The following TMEM91 variants were observed in gnomAD, a reference collection of about 807,000 sequenced individuals.
The protein encoded by TMEM91 is dispanin subfamily C member 3.
Under a neutral mutation model 13.3 loss-of-function variants are expected in TMEM91, and 6 were observed. That is an observed-to-expected ratio of 0.45 (90% CI 0.25 to 0.89). TMEM91 has a LOEUF of 0.89. TMEM91 is among the 40% of genes least tolerant of loss of function. The pLI is 0.19. For synonymous variants in TMEM91, 87 were observed against 101.7 expected (o/e 0.86, Z 0.87); for missense variants, 193 against 228.7 (o/e 0.84, Z 1.01).
chr19:41,375,988 C>G (rs971896283), upstream of TMEM91, among the ~76,000 whole-genome samples: 1 of 152,010 alleles, frequency 6.6e-6, no homozygotes, highest in African/African-American at 2.4e-5. Context: ...GGCGTGGTGG[C>G]TTGCCCCTGT....
At chr19:41,372,369 T>A (rs1445322324), upstream of TMEM91, among the ~76,000 whole-genome samples, 1 of 150,908 alleles carries the variant, frequency 6.6e-6, no homozygotes, top group African/African-American at 2.4e-5. Context: ...TTGGGAGAGA[T>A]GGGGGTCTTA....
intron 1 of TMEM91, among the ~76,000 whole-genome samples, chr19:41,368,248 C>T (rs552144132): frequency 1.5e-3 from 221 of 151,556 alleles, no homozygotes; most frequent in African/African-American, 3.5e-3. Context: ...CTCATTTCTA[C>T]GAAAACGTTT....
chr19:41,368,764 T>C (rs564985687), intron 1 of TMEM91, among the ~76,000 whole-genome samples: 101 of 151,692 alleles, frequency 6.7e-4, no homozygotes, highest in Admixed American at 2.4e-3. Context: ...TTTCAGTAAG[T>C]GGAGCCTAAT....
chr19:41,378,838 G>A (rs919740239), intron 2 of TMEM91, among the ~76,000 whole-genome samples: 2 of 151,514 alleles, frequency 1.3e-5, no homozygotes, highest in African/African-American at 4.9e-5. Context: ...GAGAGAGAGA[G>A]AGAGAGAGAG....
chr19:41,382,212 A>G (rs2038904426), intron 2 of TMEM91, among the ~76,000 whole-genome samples: 1 of 152,182 alleles, frequency 6.6e-6, no homozygotes, highest in South Asian at 2.1e-4. Context: ...TGTAGCGTCC[A>G]TGATTGGATC....
chr19:41,364,675 C>T (rs1425099944), intron 1 of TMEM91, among the ~76,000 whole-genome samples: 1 of 151,972 alleles, frequency 6.6e-6, no homozygotes, highest in African/African-American at 2.4e-5. Flanking sequence ...ACTTCCTTCT[C>T]GGAGCTACTA....
Position 41,382,845 on chromosome 19 carries a change from A to G in TMEM91, c.284A>G (p.His95Arg). The change falls in exon 3 of 4, where the codon CAC (histidine) becomes CGC (arginine). Residue 95 changes from histidine (H) to arginine (R), a missense_variant. Physicochemically the swap from His to Arg is conservative, Grantham distance 29. Transcript: ENST00000392002. ...CTTTCACCATTTCTACCCCACGACCACCTCGGCTTGGCTGTCTTCTCCATG... is the reference window on the plus strand; with the variant it reads ...CTTTCACCATTTCTACCCCACGACCGCCTCGGCTTGGCTGTCTTCTCCATG... Reference protein sequence around the residue: ...SRLSPFLPHDHLGLAVFSMLC... With the variant: ...SRLSPFLPHDRLGLAVFSMLC... 6.2e-7 allele frequency: 1 copy of G among 1,613,748 alleles called. No homozygotes were observed. Among genetic ancestry groups the G allele is most frequent in the African/African-American group, 1.3e-5 (1 of 74,878 alleles).
At chr19:41,366,737 G>T (rs1027915088) in intron 1 of TMEM91, among the ~76,000 whole-genome samples, 1 of 152,042 alleles carries the variant, frequency 6.6e-6, no homozygotes, top group Non-Finnish European at 1.5e-5. Flanking sequence ...GAGATTACAG[G>T]CATGAGCCAC....
At chr19:41,369,645 A>G (rs563756224) in intron 1 of TMEM91, among the ~76,000 whole-genome samples, 1 of 151,914 alleles carries the variant, frequency 6.6e-6, no homozygotes, top group Non-Finnish European at 1.5e-5. Flanking sequence ...TCCCTCCTAA[A>G]ACTACAAAAA....
At chr19:41,382,387 G>A (rs2038908043) in intron 2 of TMEM91, among the ~76,000 whole-genome samples, 1 of 152,076 alleles carries the variant, frequency 6.6e-6, no homozygotes, top group South Asian at 2.1e-4. Context: ...ACTTTGGGAG[G>A]CCAAGACGGG....
intron 1 of TMEM91, among the ~76,000 whole-genome samples, chr19:41,365,543 TAC>T (rs2038505505): frequency 1.3e-5 from 2 of 151,766 alleles, no homozygotes; most frequent in African/African-American, 4.8e-5. Flanking sequence ...TAGCTGGGAC[TAC>T]AGGCGTGCAC....
At chr19:41,369,816 TAAATAA>T (rs1230356712) in intron 1 of TMEM91, among the ~76,000 whole-genome samples, 2 of 151,952 alleles carry the variant, frequency 1.3e-5, no homozygotes, top group African/African-American at 4.8e-5. Context: ...TCAAAATAAA[TAAATAA>T]AAATAAATAA....
intron 1 of TMEM91, among the ~76,000 whole-genome samples, chr19:41,368,582 G>A (rs1399542765): frequency 6.6e-6 from 1 of 151,698 alleles, no homozygotes. Context: ...GGTAATTTTT[G>A]TATTTTTAGT....
Position 41,383,717 on chromosome 19 carries a change from C to T in TMEM91, c.363C>T (p.Thr121=), listed in dbSNP as rs769323826. ...GIAAFCLAQK[T]NKAWAKGDIQ... is the part of the protein sequence containing the mutation. ...ACTGCTGCCCACTGCCTCTACAGAC[C>T]AACAAGGCTTGGGCCAAGGGGGACA... Residue 121 remains threonine (T), a splice_region_variant and synonymous_variant, in exon 4 of 4, where the codon ACC becomes ACT. Transcript: ENST00000392002. The T allele has an allele frequency of 5.6e-6, 9 of 1,611,468 alleles. No homozygotes were observed. The highest frequency in any genetic ancestry group is 1.7e-5 in the Admixed American group (1 of 59,786).
At chr19:41,374,210 G>A (rs1182749534), upstream of TMEM91, 1 of 152,190 alleles carries the variant, frequency 6.6e-6, no homozygotes, top group African/African-American at 2.4e-5. Context: ...TGGACTCTTG[G>A]CAAGGAGCCC....
chr19:41,384,080 C>T lies in TMEM91; in HGVS notation c.*207C>T, dbSNP rs756842607. 267 of 925,168 alleles carry T rather than the reference C, an allele frequency of 2.9e-4. No individual in the cohort carries two copies. Among genetic ancestry groups the T allele is most frequent in the Non-Finnish European group, 3.8e-4 (249 of 655,930 alleles). The allele number at this position is 925,168 out of a possible 1,614,324, so 57.3% of individuals were successfully genotyped here. A position where few individuals can be genotyped will look rare whatever the true frequency, so the allele number is the denominator to read the frequency against. On this transcript the variant is annotated 3_prime_UTR_variant, in exon 4 of 4. Coordinates refer to ENST00000392002, the MANE Select transcript of TMEM91 (RefSeq NM_001098821.2). ...ATTAAACACCAGACACCCTTGCAGC[C>T]AAACCAGAGTCTGTTCGCGTGTGTG...
chr19:41,378,371 CCCCTG>C lies in TMEM91; in HGVS notation c.66_70del (p.Ala23GlufsTer6), dbSNP rs1212657891. 22 of 1,614,088 alleles carry C rather than the reference CCCCTG, an allele frequency of 1.4e-5. No homozygotes were observed. The highest frequency in any genetic ancestry group is 1.9e-5 in the Non-Finnish European group (22 of 1,180,046). ...CTGCTGGAGGGCACAGAATGTGAGA[CCCCTG>C]CCCAGAAGCCTGGCAGGCATGAGCT... On this transcript the variant is annotated frameshift_variant, in exon 2 of 4. Transcript: ENST00000392002. LOFTEE classifies it high-confidence loss of function.
At chr19:41,379,888 C>CTTTTTTTT (rs59525203) in intron 2 of TMEM91, among the ~76,000 whole-genome samples, 6 of 75,156 alleles carry the variant, frequency 8.0e-5, no homozygotes, top group African/African-American at 2.3e-4. Flanking sequence ...TTAGGGCTTC[C>CTTTTTTTT]TTTTTTTTTT....
rs180787461 is a variant in TMEM91, at chr19:41,364,985, C to T, written c.-30+890C>T. Among the ~76,000 whole-genome samples the T allele has an allele frequency of 2.0e-5, 3 of 152,112 alleles. No homozygotes were observed. The East Asian group carries it at 5.8e-4, about 29-fold the overall frequency. On this transcript the variant is annotated intron_variant, in intron 1 of 3. Coordinates refer to the TMEM91 transcript ENST00000413014. ...TTAACTCCTGGGTTCAAGGGATCCT[C>T]CTACCTCAGCCTCCCATGTAGCTGG...
Sources: gnomAD v4.1 joint callset for allele counts (sites outside exome capture counted in the v4.1 genomes callset) on GRCh38, gnomAD v4.1.1 for gene constraint, MANE v1.5 for transcripts, NCBI Gene and HGNC (gene_info 2026-07-23, HGNC 2026-07-21) for gene names.